Variants in SORBS2 observed in about 807,000 individuals in gnomAD.
The protein encoded by SORBS2 is sorbin and SH3 domain containing 2.
Under a neutral mutation model 97.7 loss-of-function variants are expected in SORBS2, and 46 were observed. The observed-to-expected ratio is 0.47, with a 90% CI of 0.37 to 0.60. The LOEUF (loss-of-function observed/expected upper bound fraction) is 0.60. Ranked by LOEUF, SORBS2 falls within the 20% of genes least tolerant of loss-of-function variation. The pLI is 0.00. For missense variants in SORBS2, 1,316 were observed against 1,282.3 expected, an observed-to-expected ratio of 1.03 and a Z score of -0.40; for synonymous variants, 476 against 473.4, an observed-to-expected ratio of 1.01 and a Z score of -0.07.
At chr4:185,709,449 C>T (rs1353236188) in intron 2 of SORBS2, among the ~76,000 whole-genome samples, 1 of 151,918 alleles carries the variant, frequency 6.6e-6, no homozygotes, top group Non-Finnish European at 1.5e-5. Flanking sequence ...TGGTGACTTT[C>T]TCTGCCAATT....
At chr4:185,888,427 A>C (rs2099240792) in intron 1 of SORBS2, among the ~76,000 whole-genome samples, 1 of 152,168 alleles carries the variant, frequency 6.6e-6, no homozygotes, top group South Asian at 2.1e-4. Flanking sequence ...GTAGCCACCA[A>C]AATTTGGAAG....
intron 1 of SORBS2, chr4:185,894,421 T>C (rs1312317880): frequency 1.3e-5 from 2 of 152,216 alleles, no homozygotes; most frequent in African/African-American, 4.8e-5. Context: ...TTTTTATTAG[T>C]AGTAATCATC....
At chr4:185,747,311 G>A (rs575388594) in intron 2 of SORBS2, among the ~76,000 whole-genome samples, 9 of 152,216 alleles carry the variant, frequency 5.9e-5, no homozygotes, top group Non-Finnish European at 1.2e-4. Context: ...GTGGTACTTT[G>A]TTATGGAAGC....
chr4:185,702,851 T>C (rs2098284237), intron 2 of SORBS2, among the ~76,000 whole-genome samples: 2 of 152,166 alleles, frequency 1.3e-5, no homozygotes, highest in South Asian at 2.1e-4. Flanking sequence ...GAAAGGTATA[T>C]TCAACCAACA....
At chr4:185,829,308 C>A (rs937503050) in intron 1 of SORBS2, among the ~76,000 whole-genome samples, 3 of 152,154 alleles carry the variant, frequency 2.0e-5, no homozygotes, top group African/African-American at 7.2e-5. Flanking sequence ...CCATATCTTC[C>A]CTATCCTTGT....
At chr4:185,868,643 C>T (rs1261089143) in intron 1 of SORBS2, among the ~76,000 whole-genome samples, 2 of 152,018 alleles carry the variant, frequency 1.3e-5, no homozygotes, top group African/African-American at 4.8e-5. Context: ...GTGCCACCAC[C>T]GGTTGTAATT....
chr4:185,867,311 G>A (rs2099227457), intron 1 of SORBS2, among the ~76,000 whole-genome samples: 1 of 152,156 alleles, frequency 6.6e-6, no homozygotes, highest in Non-Finnish European at 1.5e-5. Flanking sequence ...CGCCTGGCCA[G>A]AAGGTTTATT....
chr4:185,837,282 C>T (rs901827213), intron 1 of SORBS2, among the ~76,000 whole-genome samples: 1 of 152,130 alleles, frequency 6.6e-6, no homozygotes, highest in Non-Finnish European at 1.5e-5. Flanking sequence ...CCAGAACTGC[C>T]TACAAGTTGC....
intron 1 of SORBS2, among the ~76,000 whole-genome samples, chr4:185,823,906 G>A (rs1359174541): frequency 6.6e-6 from 1 of 152,184 alleles, no homozygotes; most frequent in Non-Finnish European, 1.5e-5. Context: ...TTGGATCTCA[G>A]AAATTCGTGA....
chr4:185,842,819 C>A (rs1429945577), intron 1 of SORBS2, among the ~76,000 whole-genome samples: 1 of 151,156 alleles, frequency 6.6e-6, no homozygotes, highest in African/African-American at 2.4e-5. Flanking sequence ...CCTGTAGTAC[C>A]AGCTACTCAG....
intron 1 of SORBS2, among the ~76,000 whole-genome samples, chr4:185,885,843 A>T (rs1357459200): frequency 6.6e-6 from 1 of 152,200 alleles, no homozygotes; most frequent in Admixed American, 6.5e-5. Context: ...TTTTTAGAAA[A>T]TACGAATTCG....
chr4:185,836,931 A>G (rs2099208421), intron 1 of SORBS2, among the ~76,000 whole-genome samples: 1 of 152,236 alleles, frequency 6.6e-6, no homozygotes, highest in African/African-American at 2.4e-5. Flanking sequence ...CTCAGTTCAC[A>G]AAGATAGCTA....
chr4:185,954,666 T>C (rs1384727526), intron 1 of SORBS2, among the ~76,000 whole-genome samples: 5 of 152,138 alleles, frequency 3.3e-5, no homozygotes, highest in Non-Finnish European at 5.9e-5. Flanking sequence ...CTATTAAAGA[T>C]AGATAATGCT....
chr4:185,673,624 C>A (rs1480179415), intron 4 of SORBS2, among the ~76,000 whole-genome samples: 2 of 152,198 alleles, frequency 1.3e-5, no homozygotes, highest in Non-Finnish European at 2.9e-5. Context: ...AACCTCCCAG[C>A]AGTTCTATGA....
rs150004093 is a variant in SORBS2 at position 185,686,156 on chromosome 4, A to T, written c.-197-7334T>A. Among the ~76,000 whole-genome samples, 10 of 152,282 alleles carry T rather than the reference A, an allele frequency of 6.6e-5. No homozygotes were observed. In the East Asian group the frequency reaches 1.9e-3, roughly 29 times the overall value. ...ACAATATAACCACCGATATAATAAT[A>T]TAATCATTATATATTGTCACATTTC... is the stretch of plus-strand genomic sequence containing the variant. On this transcript the variant is annotated intron_variant, in intron 2 of 20. Coordinates refer to the SORBS2 transcript ENST00000284776.
At chr4:185,745,906 A>C (rs948267285) in intron 2 of SORBS2, among the ~76,000 whole-genome samples, 9 of 152,176 alleles carry the variant, frequency 5.9e-5, no homozygotes, top group Non-Finnish European at 1.0e-4. Context: ...AGCCTCACAG[A>C]TATGTTTCCT....
Position 185,684,548 on chromosome 4 carries a change from T to C in SORBS2, c.-197-5726A>G, listed in dbSNP as rs899456524. On this transcript the variant is annotated intron_variant, in intron 2 of 20. Coordinates refer to the SORBS2 transcript ENST00000284776. The surrounding 1 kb of genome is among the most constrained non-coding windows in gnomAD (Gnocchi z 4.2). ...TTAATGAAATATTATGCTACTTAAG[T>C]TCATGAGATAACAAAAACGTGAATA... is the stretch of plus-strand genomic sequence containing the variant. 2.0e-5 allele frequency among the ~76,000 whole-genome samples: 3 copies of C among 152,092 alleles called. No individual in the cohort carries two copies. The highest frequency in any genetic ancestry group is 4.4e-5 in the Non-Finnish European group (3 of 68,014).
At chr4:185,751,787 A>G (rs1046516584) in intron 2 of SORBS2, among the ~76,000 whole-genome samples, 2 of 152,116 alleles carry the variant, frequency 1.3e-5, no homozygotes, top group African/African-American at 4.8e-5. Context: ...GGGGATAACA[A>G]CTCCAAGATG....
In SORBS2 at chr4:185,800,410, C is replaced by T. The variant is rs183257699; in HGVS notation, c.-337-25044G>A. Among the ~76,000 whole-genome samples, 20 of 152,232 alleles carry T rather than the reference C, an allele frequency of 1.3e-4. No individual in the cohort carries two copies. The South Asian group carries it at 1.7e-3, about 13-fold the overall frequency. The stretch of plus-strand genomic sequence containing the variant: ...TGAGTCAGTGCCGTTCCTGGGCGTC[C>T]GCTGGGAACTTCCCTGACTGTCCTT... On this transcript the variant is annotated intron_variant, in intron 1 of 20. Transcript: ENST00000284776.
Sources: allele counts gnomAD v4.1 joint callset (sites outside exome capture counted in the v4.1 genomes callset), GRCh38; gene constraint gnomAD v4.1.1; non-coding constraint Gnocchi (gnomAD v3.1); transcripts MANE v1.5; gene names NCBI Gene and HGNC (gene_info 2026-07-23, HGNC 2026-07-21).